Variants in CCDC91 observed in about 807,000 individuals in gnomAD.
CCDC91 encodes the protein coiled-coil domain-containing protein 91.
In CCDC91, 48 loss-of-function variants were observed where a neutral mutation model predicts 63.2. That is an observed-to-expected ratio of 0.76 (90% CI 0.60 to 0.97). The LOEUF (loss-of-function observed/expected upper bound fraction) is 0.97. CCDC91 is among the 50% of genes least tolerant of loss of function. The pLI, the probability that CCDC91 is intolerant of heterozygous loss-of-function variation, is 0.00. For missense variants in CCDC91, 500 were observed against 494.6 expected (o/e 1.01, Z -0.10); for synonymous variants, 167 against 165.8 (o/e 1.01, Z -0.06).
In CCDC91 at chr12:28,227,960, G is replaced by A. The variant is rs138930617; in HGVS notation, c.-14-29242G>A. ...AATTTTCTAAGGATTAAAAGTGATA[G>A]CGTGTCTAAAGAGTTTAGGAGTGTG... On this transcript the variant is annotated intron_variant, in intron 1 of 12. Transcript: ENST00000536442. Among the ~76,000 whole-genome samples the A allele has an allele frequency of 8.2e-4, 125 of 152,164 alleles. 2 individuals are homozygous for A. The East Asian group carries it at 0.021, about 26-fold the overall frequency.
intron 3 of CCDC91, among the ~76,000 whole-genome samples, chr12:28,290,878 G>C (rs1332753477): frequency 6.6e-6 from 1 of 152,048 alleles, no homozygotes; most frequent in African/African-American, 2.4e-5. Context: ...AAAATGTTAA[G>C]TTTTTTGTAA....
At chr12:28,388,156 T>C (rs539008635) in intron 7 of CCDC91, among the ~76,000 whole-genome samples, 33 of 152,220 alleles carry the variant, frequency 2.2e-4, no homozygotes, top group Non-Finnish European at 3.5e-4. Flanking sequence ...TTTCATATGT[T>C]TGTTGCCATT....
chr12:28,410,048 T>G (rs182145877), intron 8 of CCDC91, among the ~76,000 whole-genome samples: 1 of 152,272 alleles, frequency 6.6e-6, no homozygotes, highest in East Asian at 1.9e-4. Flanking sequence ...GTCAAATTTT[T>G]TGGTGTCTTG....
chr12:28,544,352 CTT>C (rs942948492), intron 12 of CCDC91, among the ~76,000 whole-genome samples: 12 of 151,894 alleles, frequency 7.9e-5, no homozygotes, highest in Non-Finnish European at 1.5e-4. Context: ...CTTCTTGTCT[CTT>C]TTCAAGTCTC....
intron 12 of CCDC91, among the ~76,000 whole-genome samples, chr12:28,528,652 G>T (rs1219074470): frequency 6.6e-6 from 1 of 152,134 alleles, no homozygotes; most frequent in Non-Finnish European, 1.5e-5. Context: ...CCTCCCGTCT[G>T]CCATGATCTG....
chr12:28,512,954 T>C (rs1473002594), intron 12 of CCDC91, among the ~76,000 whole-genome samples: 1 of 151,862 alleles, frequency 6.6e-6, no homozygotes, highest in African/African-American at 2.4e-5. Context: ...CTGTACTTCT[T>C]TAAGTCTCAG....
At chr12:28,254,123 A>C (rs2136131115) in intron 1 of CCDC91, among the ~76,000 whole-genome samples, 1 of 152,324 alleles carries the variant, frequency 6.6e-6, no homozygotes, top group East Asian at 1.9e-4. Flanking sequence ...GCAGTGTATT[A>C]AATATTCAGA....
chr12:28,364,671 G>A (rs1231006295), intron 7 of CCDC91, among the ~76,000 whole-genome samples: 1 of 151,918 alleles, frequency 6.6e-6, no homozygotes, highest in Non-Finnish European at 1.5e-5. Context: ...ACAGTACAAC[G>A]GTAAAAAGTA....
chr12:28,441,697 ATC>A (rs376526626), intron 8 of CCDC91, among the ~76,000 whole-genome samples: 63 of 138,776 alleles, frequency 4.5e-4, no homozygotes, highest in Non-Finnish European at 6.6e-4. Context: ...GTATATATAT[ATC>A]TCTCTCATAT....
chr12:28,495,313 C>T (rs906487055), intron 12 of CCDC91, among the ~76,000 whole-genome samples: 1 of 151,630 alleles, frequency 6.6e-6, no homozygotes, highest in African/African-American at 2.4e-5. Context: ...TCATGTCAGA[C>T]CTTTGTTCAT....
intron 11 of CCDC91, among the ~76,000 whole-genome samples, chr12:28,479,587 C>A (rs1367068375): frequency 2.0e-5 from 3 of 152,042 alleles, no homozygotes; most frequent in Non-Finnish European, 2.9e-5. Context: ...ACGTTGTGCA[C>A]CTGTACCCTA....
intron 7 of CCDC91, among the ~76,000 whole-genome samples, chr12:28,388,273 A>C (rs1945727739): frequency 6.6e-6 from 1 of 152,128 alleles, no homozygotes; most frequent in Admixed American, 6.6e-5. Context: ...GCAATCAGAC[A>C]ATAGAAAGAA....
chr12:28,458,866 C>T (rs17434989), intron 11 of CCDC91, among the ~76,000 whole-genome samples: 6,887 of 152,176 alleles, frequency 0.045, 189 homozygotes, highest in Non-Finnish European at 0.073. Context: ...TTCTTTACCT[C>T]CAGTTTTGTG....
chr12:28,502,153 A>T (rs116581486), intron 12 of CCDC91, among the ~76,000 whole-genome samples: 4 of 151,742 alleles, frequency 2.6e-5, no homozygotes, highest in Non-Finnish European at 5.9e-5. Flanking sequence ...CTTTCAAAAA[A>T]CCAGCTCATG....
intron 3 of CCDC91, among the ~76,000 whole-genome samples, chr12:28,282,431 G>C (rs76574490): frequency 6.6e-6 from 1 of 152,214 alleles, no homozygotes; most frequent in South Asian, 2.1e-4. Flanking sequence ...TGTTGCAAAA[G>C]ACAATATTTC....
intron 3 of CCDC91, among the ~76,000 whole-genome samples, chr12:28,292,548 T>G (rs1186930053): frequency 6.6e-6 from 1 of 152,124 alleles, no homozygotes; most frequent in Non-Finnish European, 1.5e-5. Context: ...AATTTTGCTT[T>G]TGAGTCCCTG....
At chr12:28,504,639 G>C (rs1410917930) in intron 12 of CCDC91, among the ~76,000 whole-genome samples, 1 of 151,874 alleles carries the variant, frequency 6.6e-6, no homozygotes, top group Admixed American at 6.6e-5. Context: ...ATTTCTACAA[G>C]AGCCTCCTAA....
At chr12:28,326,823 C>A (rs561195119) in intron 6 of CCDC91, among the ~76,000 whole-genome samples, 3 of 151,972 alleles carry the variant, frequency 2.0e-5, no homozygotes, top group South Asian at 2.1e-4. Flanking sequence ...CAGGTCCCCC[C>A]CAAAATGGGT....
At chr12:28,374,274 T>G (rs1266932674) in intron 7 of CCDC91, among the ~76,000 whole-genome samples, 1 of 152,180 alleles carries the variant, frequency 6.6e-6, no homozygotes, top group Non-Finnish European at 1.5e-5. Flanking sequence ...TGACATTCTC[T>G]TTATTCTCAG....
Sources: allele counts gnomAD v4.1 joint callset (sites outside exome capture counted in the v4.1 genomes callset), GRCh38; gene constraint gnomAD v4.1.1; transcripts MANE v1.5; gene names NCBI Gene and HGNC (gene_info 2026-07-23, HGNC 2026-07-21).